Variants in GBF1 observed in about 807,000 individuals in gnomAD.
GBF1 encodes Golgi-specific brefeldin A-resistance guanine nucleotide exchange factor 1.
GBF1 carries 114 observed loss-of-function variants against 210.5 expected under a neutral mutation model. The ratio of observed to expected loss-of-function variants is 0.54; its 90% CI spans 0.47 to 0.63. GBF1 has a LOEUF of 0.63. Ranked by LOEUF, GBF1 falls within the 30% of genes least tolerant of loss-of-function variation. GBF1 has a pLI of 0.00. For synonymous variants in GBF1, 850 were observed against 889.2 expected, an observed-to-expected ratio of 0.96 and a Z score of 0.78; for missense variants, 1,851 against 2,357.7, an observed-to-expected ratio of 0.79 and a Z score of 4.45.
At chr10:102,379,141 GA>G (rs777203759) in intron 33 of GBF1, 142 bp from the exon 34 acceptor site, 7 of 699,858 alleles carry the variant, frequency 1.0e-5, no homozygotes, top group Non-Finnish European at 1.7e-5. Context: ...CAAGTCAAGG[GA>G]AAGAGTAGCG....
intron 8 of GBF1, among the ~76,000 whole-genome samples, chr10:102,356,488 G>A (rs868644625): frequency 6.6e-5 from 10 of 152,114 alleles, no homozygotes; most frequent in Non-Finnish European, 1.5e-4. Flanking sequence ...AAATTGGGCC[G>A]GGCACAGTGG....
intron 4 of GBF1, among the ~76,000 whole-genome samples, chr10:102,346,597 C>T (rs927248260): frequency 6.6e-6 from 1 of 152,178 alleles, no homozygotes; most frequent in Admixed American, 6.5e-5. Context: ...CAGCCTTGAC[C>T]TTCGGGCTCA....
At position 102,376,814 on chromosome 10, in the gene GBF1, T is replaced by C; in HGVS notation, c.4288+14T>C. The C allele has an allele frequency of 6.2e-7, 1 of 1,608,778 alleles. No homozygotes were observed. The highest frequency in any genetic ancestry group is 8.5e-7 in the Non-Finnish European group (1 of 1,179,382). ...GTCTGAATGGCGGTGGGTCAGCTGA[T>C]GAGGGGGCAGCTGGGGAGTAGCCAT... On this transcript the variant is annotated intron_variant, in intron 32 of 39. Transcript: ENST00000369983.
At chr10:102,367,427 T>TG in intron 20 of GBF1, 51 bp from the exon 21 acceptor site, 1 of 1,266,146 alleles carries the variant, frequency 7.9e-7, no homozygotes, top group Non-Finnish European at 1.2e-6. Context: ...GTTCCTTAGG[T>TG]GGGGCTTCAG....
intron 4 of GBF1, among the ~76,000 whole-genome samples, chr10:102,345,969 T>C (rs1221978450): frequency 6.6e-6 from 1 of 152,194 alleles, no homozygotes; most frequent in Non-Finnish European, 1.5e-5. Context: ...ATTTCCATAG[T>C]GTAATATAGA....
chr10:102,274,236 C>A (rs1338772477), intron 3 of GBF1, among the ~76,000 whole-genome samples: 1 of 152,074 alleles, frequency 6.6e-6, no homozygotes, highest in East Asian at 1.9e-4. Context: ...CCACACGTGA[C>A]CTCAGGAAAT....
At chr10:102,297,227 C>T (rs986811722) in intron 3 of GBF1, among the ~76,000 whole-genome samples, 1 of 152,074 alleles carries the variant, frequency 6.6e-6, no homozygotes, top group African/African-American at 2.4e-5. Context: ...AAATTTAATT[C>T]TTTTCTCTAA....
At chr10:102,360,931 C>T (rs1364521248) in intron 12 of GBF1, 91 bp from the exon 13 acceptor site, 77 of 719,816 alleles carry the variant, frequency 1.1e-4, no homozygotes, top group Admixed American at 3.3e-4. Flanking sequence ...GCTGAGATTG[C>T]GCCACTGCAC....
In GBF1 at chr10:102,358,611, C is replaced by T. The variant is rs771859452; in HGVS notation, c.893C>T (p.Ser298Phe). Residue 298 changes from serine (S) to phenylalanine (F), a missense_variant, in exon 10 of 40, where the codon TCC becomes TTC. Transcript: ENST00000369983. ...ACAGACAGTGGCCTGGAATTCTCCT[C>T]CCAAACCACTTCCAAGGAAGACCTT... is the stretch of plus-strand genomic sequence containing the variant. The part of the protein sequence containing the change: ...PSTDSGLEFS[S>F]QTTSKEDLTD... The T allele has an allele frequency of 2.5e-6, 4 of 1,613,538 alleles. No homozygotes were observed. The highest frequency in any genetic ancestry group is 3.4e-6 in the Non-Finnish European group (4 of 1,179,400).
At chr10:102,357,842 A>T (rs2059381639) in intron 8 of GBF1, among the ~76,000 whole-genome samples, 197 bp from the exon 9 acceptor site, 1 of 152,208 alleles carries the variant, frequency 6.6e-6, no homozygotes, top group African/African-American at 2.4e-5. Context: ...GGAGGCTGCC[A>T]TGCCAACCTG....
chr10:102,362,359 A>G (rs931564304), intron 14 of GBF1, 116 bp from the exon 15 acceptor site: 4 of 760,230 alleles, frequency 5.3e-6, no homozygotes, highest in South Asian at 3.6e-5. Flanking sequence ...CCCGGCCAGA[A>G]AGACGTTTTC....
At chr10:102,331,710 T>C (rs1290562041) in intron 3 of GBF1, among the ~76,000 whole-genome samples, 3 of 152,048 alleles carry the variant, frequency 2.0e-5, no homozygotes, top group Non-Finnish European at 4.4e-5. Context: ...AGACAGGGCC[T>C]CACTCTGTCG....
Position 102,380,647 on chromosome 10 carries a change from C to T in GBF1, c.5134C>T (p.His1712Tyr), listed in dbSNP as rs762350302. 39 of 1,613,710 alleles carry T rather than the reference C, an allele frequency of 2.4e-5. 3 individuals carry two copies. In the South Asian group the frequency reaches 3.8e-4, roughly 16 times the overall value. Reference protein sequence around the residue: ...TWERIDCFLPHLRDELFKQTV... With the variant: ...TWERIDCFLPYLRDELFKQTV... ...GGAACGCATTGACTGTTTTCTCCCT[C>T]ACCTACGAGATGAACTCTTCAAGCA... Residue 1712 changes from histidine to tyrosine, a missense_variant, in exon 38 of 40, where the codon CAC (histidine) becomes TAC (tyrosine). Physicochemically the swap from His to Tyr is moderately conservative, Grantham distance 83. Around this residue, in one of 3 missense-constraint regions of GBF1, gnomAD observed 967 missense variants for 1,247.7 expected, o/e 0.78. Transcript: ENST00000369983.
At chr10:102,236,087 G>A in the GBF1 span, among the ~76,000 whole-genome samples, 6 of 152,176 alleles carry the variant, frequency 3.9e-5, no homozygotes, top group Non-Finnish European at 8.8e-5. Context: ...AGATGGAAGG[G>A]TGGGGGCATA....
At chr10:102,328,404 T>C (rs1251626868) in intron 3 of GBF1, among the ~76,000 whole-genome samples, 1 of 151,932 alleles carries the variant, frequency 6.6e-6, no homozygotes, top group East Asian at 1.9e-4. Context: ...GAGGCTGAGG[T>C]GGAAGGATTA....
chr10:102,278,120 T>C (rs1256547291), intron 3 of GBF1, among the ~76,000 whole-genome samples: 3 of 152,092 alleles, frequency 2.0e-5, no homozygotes, highest in Non-Finnish European at 4.4e-5. Flanking sequence ...TAGCTGGGCA[T>C]GGTGGCGTGT....
chr10:102,293,864 A>G (rs192096721), intron 3 of GBF1, among the ~76,000 whole-genome samples: 18 of 142,148 alleles, frequency 1.3e-4, no homozygotes, highest in African/African-American at 4.7e-4. Context: ...TGCAAGCTCA[A>G]CCTCCCGGGT....
rs529102620 is a variant in GBF1 at position 102,335,576 on chromosome 10, AG to A, written c.164-8474del. 2.0e-3 allele frequency among the ~76,000 whole-genome samples: 307 copies of A among 152,334 alleles called. 2 individuals carry two copies. Among genetic ancestry groups the A allele is most frequent in the Non-Finnish European group, 3.2e-3 (216 of 68,034 alleles). ...TTTCTGTTCTAGCCTTGTAGGAAGC[AG>A]TAAAGTCGGATGGCTACGAGCAGAG... On this transcript the variant is annotated intron_variant, in intron 3 of 39. Coordinates refer to ENST00000369983, the MANE Select transcript of GBF1 (RefSeq NM_001377137.1).
At chr10:102,302,125 C>T (rs1253374507) in intron 3 of GBF1, among the ~76,000 whole-genome samples, 10 of 152,110 alleles carry the variant, frequency 6.6e-5, no homozygotes, top group Middle Eastern at 3.2e-3. Flanking sequence ...ACCAGTCAGG[C>T]GTGGCGGCGC....
Sources: gnomAD v4.1 joint callset for allele counts (sites outside exome capture counted in the v4.1 genomes callset) on GRCh38, gnomAD v4.1.1 for gene constraint, gnomAD v4.1.1 regional missense constraint, MANE v1.5 for transcripts, NCBI Gene and HGNC (gene_info 2026-07-23, HGNC 2026-07-21) for gene names.